Variants in BCL9 observed in about 807,000 individuals in gnomAD.
BCL9 encodes the protein BCL9 transcription coactivator, also known as B-cell CLL/lymphoma 9 protein.
Under a neutral mutation model 88.5 loss-of-function variants are expected in BCL9, and 25 were observed. The observed-to-expected ratio is 0.28, with a 90% CI of 0.21 to 0.39. The LOEUF is 0.39. Among genes scored for constraint, BCL9 ranks in the 10% least tolerant of loss-of-function variants. The pLI is 1.00. For synonymous variants in BCL9, 711 were observed against 673.3 expected (o/e 1.06, Z -0.87); for missense variants, 1,817 against 1,877.8 (o/e 0.97, Z 0.60).
At chr1:147,545,357 G>A (rs782620130) in intron 1 of BCL9, among the ~76,000 whole-genome samples, 37 of 152,148 alleles carry the variant, frequency 2.4e-4, no homozygotes, top group Non-Finnish European at 2.2e-4. Context: ...GTTACTCACC[G>A]GGGAGCTGCC....
chr1:147,563,072 C>T (rs1655454389), intron 1 of BCL9, among the ~76,000 whole-genome samples: 1 of 152,272 alleles, frequency 6.6e-6, no homozygotes, highest in Admixed American at 6.5e-5. Flanking sequence ...CACTGTGTCC[C>T]CAGATCTTCA....
Position 147,624,287 on chromosome 1 carries a change from C to T in BCL9, c.3609C>T (p.Ser1203=), listed in dbSNP as rs1210046625. The T allele has an allele frequency of 3.7e-6, 6 of 1,614,014 alleles. No individual in the cohort carries two copies. Among genetic ancestry groups the T allele is most frequent in the Non-Finnish European group, 5.1e-6 (6 of 1,180,020 alleles). Residue 1203 remains serine, a synonymous_variant, in exon 10 of 10, where the codon TCC becomes TCT. Coordinates refer to ENST00000234739, the MANE Select transcript of BCL9 (RefSeq NM_004326.4). This position sits in a 1 kb window ranked among gnomAD's most constrained non-coding sequence, Gnocchi z 4.4. ...CKPGGPGGPD[S]FTVLGNSMPS... ...CTGGAGGCCCCGGGGGTCCTGACTC[C>T]TTCACTGTCCTGGGGAACAGCATGC...
intron 1 of BCL9, among the ~76,000 whole-genome samples, chr1:147,558,948 C>G (rs1655243385): frequency 6.6e-6 from 1 of 152,146 alleles, no homozygotes; most frequent in South Asian, 2.1e-4. Context: ...CTCCTCCTCC[C>G]CCTACTTCAT....
chr1:147,610,867 G>A (rs1040325023), intron 3 of BCL9, among the ~76,000 whole-genome samples: 2 of 152,160 alleles, frequency 1.3e-5, no homozygotes, highest in East Asian at 3.8e-4. Flanking sequence ...AGCCTTCAAA[G>A]ATGTTCTTTT....
intron 1 of BCL9, among the ~76,000 whole-genome samples, chr1:147,597,164 C>T (rs1553200583): frequency 6.6e-6 from 1 of 152,162 alleles, no homozygotes. Flanking sequence ...TTCTGTAAGA[C>T]AGAATGGAAT....
At chr1:147,621,238 A>G (rs1658622297) in intron 8 of BCL9, among the ~76,000 whole-genome samples, 181 bp downstream of exon 8, 1 of 152,166 alleles carries the variant, frequency 6.6e-6, no homozygotes, top group African/African-American at 2.4e-5. Context: ...GAAGTGTCCA[A>G]TCTCAGCAAA....
Position 147,624,465 on chromosome 1 carries a change from C to A in BCL9, c.3787C>A (p.Pro1263Thr). The A allele has an allele frequency of 6.2e-7, 1 of 1,614,214 alleles. No individual in the cohort carries two copies. Among genetic ancestry groups the A allele is most frequent in the Non-Finnish European group, 8.5e-7 (1 of 1,180,022 alleles). Residue 1263 changes from proline to threonine, a missense_variant, in exon 10 of 10, where the codon CCC (proline) becomes ACC (threonine). Physicochemically the swap from Pro to Thr is conservative, Grantham distance 38. Coordinates refer to ENST00000234739, the MANE Select transcript of BCL9 (RefSeq NM_004326.4). This position sits in a 1 kb window ranked among gnomAD's most constrained non-coding sequence, Gnocchi z 4.4. ...AGGGGAAGTTCCAGGCCGTAAACAG[C>A]CCCAGGGTCCTGGACCTGGGTTTTC... ...PRGEVPGRKQ[P>T]QGPGPGFSHM...
chr1:147,542,997 G>A (rs1279688657), intron 1 of BCL9, among the ~76,000 whole-genome samples: 1 of 152,104 alleles, frequency 6.6e-6, no homozygotes, highest in African/African-American at 2.4e-5. Context: ...GTGTGTGTAC[G>A]AGGCTAAGAA....
chr1:147,576,076 G>T (rs895037018), intron 1 of BCL9, among the ~76,000 whole-genome samples: 2 of 152,030 alleles, frequency 1.3e-5, no homozygotes, highest in South Asian at 4.2e-4. Flanking sequence ...TAAGAAACAG[G>T]CTAGATCAGA....
At chr1:147,547,779 A>G (rs1363644590) in intron 1 of BCL9, among the ~76,000 whole-genome samples, 9 of 152,356 alleles carry the variant, frequency 5.9e-5, no homozygotes, top group African/African-American at 2.2e-4. Context: ...TGAAGTGGAC[A>G]TGCCAGTAAG....
rs138532750 is a variant in BCL9 at position 147,591,524 on chromosome 1, G to A, written c.-477-13253G>A. On this transcript the variant is annotated intron_variant, in intron 1 of 9. Coordinates refer to ENST00000234739, the MANE Select transcript of BCL9 (RefSeq NM_004326.4). ...AATTCATACCTCATGGGGTTATTGC[G>A]TATATAAATAAGATCATACAAAGTC... Among the ~76,000 whole-genome samples, 22 of 152,190 alleles carry A rather than the reference G, an allele frequency of 1.4e-4. No homozygotes were observed. The East Asian group carries it at 2.7e-3, about 19-fold the overall frequency.
intron 1 of BCL9, among the ~76,000 whole-genome samples, chr1:147,552,787 T>C (rs1468569446): frequency 6.6e-6 from 1 of 152,206 alleles, no homozygotes; most frequent in Non-Finnish European, 1.5e-5. Context: ...AAATACCCTG[T>C]TCTACGCTTT....
chr1:147,611,967 C>T, intron 4 of BCL9, 78 bp downstream of exon 4: 1 of 1,418,304 alleles, frequency 7.1e-7, no homozygotes, highest in Admixed American at 1.8e-5. Flanking sequence ...ATTGGTGAAA[C>T]AGTATGTTGA....
At position 147,624,995 on chromosome 1, in the gene BCL9, T is replaced by C. The variant is rs373832363; in HGVS notation, c.*36T>C. On this transcript the variant is annotated 3_prime_UTR_variant, in exon 10 of 10. Transcript: ENST00000234739. This position sits in a 1 kb window ranked among gnomAD's most constrained non-coding sequence, Gnocchi z 4.4. ...TGGGATGTGCCGATCCTTGTCAAGA[T>C]GAGATTCCAGGTCCTGAGAGCTGCT... is the stretch of plus-strand genomic sequence containing the variant. The C allele has an allele frequency of 1.3e-6, 2 of 1,578,106 alleles. No homozygotes were observed. The highest frequency in any genetic ancestry group is 1.7e-6 in the Non-Finnish European group (2 of 1,156,158).
rs80047565 is a variant in BCL9 at position 147,593,360 on chromosome 1, A to G, written c.-477-11417A>G. On this transcript the variant is annotated intron_variant, in intron 1 of 9. Transcript: ENST00000234739. The stretch of plus-strand genomic sequence containing the variant: ...TGTGGTTAATTATATACATTGTCAC[A>G]CATCTGAGCCTTTGCACATTGCTGA... 3.2e-4 allele frequency among the ~76,000 whole-genome samples: 48 copies of G among 152,300 alleles called. No homozygotes were observed. The East Asian group carries it at 7.1e-3, about 23-fold the overall frequency.
intron 1 of BCL9, among the ~76,000 whole-genome samples, chr1:147,588,573 C>T (rs1334423375): frequency 1.3e-5 from 2 of 152,158 alleles, no homozygotes; most frequent in Admixed American, 1.3e-4. Context: ...GGAGCACCCC[C>T]TCCCAGAAGT....
rs1658937350 is a variant in BCL9, at chr1:147,626,085, A to G, written c.*1126A>G. ...AGGATTTTGTTTCTGTTTGTTTTAA[A>G]TTTTGTGGTTCCTTCCCTTTCCTCC... On this transcript the variant is annotated 3_prime_UTR_variant, in exon 10 of 10. Transcript: ENST00000234739. 4.5e-6 allele frequency: 1 copy of G among 220,608 alleles called. No homozygotes were observed. The highest frequency in any genetic ancestry group is 1.8e-4 in the South Asian group (1 of 5,420). 13.7% of individuals were successfully genotyped at this position (220,608 alleles called of 1,614,324 possible).
chr1:147,611,969 G>A (rs1658029110), intron 4 of BCL9, 80 bp downstream of exon 4: 2 of 1,414,752 alleles, frequency 1.4e-6, no homozygotes, highest in African/African-American at 2.9e-5. Flanking sequence ...TGGTGAAACA[G>A]TATGTTGAAT....
intron 6 of BCL9, among the ~76,000 whole-genome samples, chr1:147,615,167 G>T (rs6675828): frequency 1.3e-5 from 2 of 151,930 alleles, no homozygotes; most frequent in Non-Finnish European, 2.9e-5. Context: ...AACAGAAGAA[G>T]TTGATTGCAC....
Sources: allele counts gnomAD v4.1 joint callset (sites outside exome capture counted in the v4.1 genomes callset), GRCh38; gene constraint gnomAD v4.1.1; non-coding constraint Gnocchi (gnomAD v3.1); transcripts MANE v1.5; gene names NCBI Gene and HGNC (gene_info 2026-07-23, HGNC 2026-07-21).